Variants in SIPA1L1 observed in about 807,000 individuals in gnomAD.
SIPA1L1 encodes the protein signal induced proliferation associated 1 like 1.
SIPA1L1 carries 26 observed loss-of-function variants against 162.7 expected under a neutral mutation model. That is an observed-to-expected ratio of 0.16 (90% CI 0.12 to 0.22). SIPA1L1 has a LOEUF of 0.22. Ranked by LOEUF, SIPA1L1 falls within the 10% of genes least tolerant of loss-of-function variation. The probability of loss-of-function intolerance (pLI) is 1.00; values close to 1 mark genes in which losing one functional copy is unlikely to be tolerated. For synonymous variants in SIPA1L1, 829 were observed against 837.4 expected, an observed-to-expected ratio of 0.99 and a Z score of 0.17; for missense variants, 1,874 against 2,241.0, an observed-to-expected ratio of 0.84 and a Z score of 3.31.
intron 4 of SIPA1L1, among the ~76,000 whole-genome samples, chr14:71,564,292 A>T (rs1013953309): frequency 2.0e-5 from 3 of 150,572 alleles, no homozygotes; most frequent in Non-Finnish European, 1.5e-5. Flanking sequence ...ACTTAAAGTT[A>T]TACTCTCTAT....
intron 2 of SIPA1L1, among the ~76,000 whole-genome samples, chr14:71,397,903 T>C (rs2041337301): frequency 6.6e-6 from 1 of 152,094 alleles, no homozygotes; most frequent in South Asian, 2.1e-4. Flanking sequence ...GAGTTTGTGT[T>C]CTACTTTTAA....
chr14:71,507,171 A>T (rs1377799336), intron 2 of SIPA1L1, among the ~76,000 whole-genome samples: 2 of 152,126 alleles, frequency 1.3e-5, no homozygotes, highest in Admixed American at 6.5e-5. Flanking sequence ...TTAGAGGAAA[A>T]CTTGGTAACT....
intron 2 of SIPA1L1, among the ~76,000 whole-genome samples, chr14:71,426,700 CAAGCTGGTCTCAA>C (rs1054266970): frequency 1.3e-5 from 2 of 152,026 alleles, no homozygotes; most frequent in African/African-American, 4.8e-5. Context: ...CCATGTTGGC[CAAGCTGGTCTCAA>C]ACTCTTGACC....
At chr14:71,558,570 G>A (rs559689021) in intron 4 of SIPA1L1, among the ~76,000 whole-genome samples, 2 of 152,298 alleles carry the variant, frequency 1.3e-5, no homozygotes, top group East Asian at 1.9e-4. Flanking sequence ...TGGAAGGCTG[G>A]TGAAAGCCGT....
intron 19 of SIPA1L1, among the ~76,000 whole-genome samples, chr14:71,729,287 C>T (rs1264767804): frequency 1.3e-5 from 2 of 152,298 alleles, no homozygotes; most frequent in African/African-American, 2.4e-5. Context: ...CTGCCCACCT[C>T]GGCCTCCCAA....
intron 5 of SIPA1L1, among the ~76,000 whole-genome samples, chr14:71,600,812 A>G (rs557469152): frequency 6.6e-6 from 1 of 152,110 alleles, no homozygotes; most frequent in South Asian, 2.1e-4. Flanking sequence ...ATTTATTCCT[A>G]GGTATTTTTC....
At chr14:71,494,840 A>G (rs185464900) in intron 2 of SIPA1L1, among the ~76,000 whole-genome samples, 1 of 152,204 alleles carries the variant, frequency 6.6e-6, no homozygotes, top group Admixed American at 6.5e-5. Context: ...GGGTTTCACC[A>G]TGTTTAGTCA....
chr14:71,346,188 G>A (rs1260243076), intron 2 of SIPA1L1, among the ~76,000 whole-genome samples: 2 of 152,182 alleles, frequency 1.3e-5, no homozygotes, highest in Admixed American at 6.5e-5. Flanking sequence ...TTATAGGTGT[G>A]AGCCACCGCA....
At chr14:71,372,313 A>G (rs909343710) in intron 2 of SIPA1L1, among the ~76,000 whole-genome samples, 2 of 152,164 alleles carry the variant, frequency 1.3e-5, no homozygotes, top group African/African-American at 4.8e-5. Flanking sequence ...TGAACAATAC[A>G]TTTAAACAAA....
intron 2 of SIPA1L1, among the ~76,000 whole-genome samples, chr14:71,399,721 T>C (rs1186980258): frequency 1.3e-5 from 2 of 151,328 alleles, no homozygotes; most frequent in East Asian, 2.0e-4. Flanking sequence ...TTATTATTAT[T>C]ATTATTTATT....
At chr14:71,424,031 G>T (rs1213042869) in intron 2 of SIPA1L1, among the ~76,000 whole-genome samples, 1 of 151,916 alleles carries the variant, frequency 6.6e-6, no homozygotes, top group Non-Finnish European at 1.5e-5. Flanking sequence ...TTAATTCCTA[G>T]GTATTTTATT....
chr14:71,470,722 C>T (rs12889866), intron 2 of SIPA1L1, among the ~76,000 whole-genome samples: 24,858 of 152,040 alleles, frequency 0.16, 2,636 homozygotes, highest in Middle Eastern at 0.35. Context: ...TAGTCTGTTC[C>T]CAAGCTGTGA....
intron 2 of SIPA1L1, among the ~76,000 whole-genome samples, chr14:71,340,010 G>A (rs17767434): frequency 0.073 from 11,121 of 152,256 alleles, 529 homozygotes; most frequent in Non-Finnish European, 0.11. Flanking sequence ...TATTTTGGCT[G>A]TGTGCATAAA....
rs759169137 is a variant in SIPA1L1, at chr14:71,724,831, T to C, written c.4610T>C (p.Phe1537Ser). The C allele has an allele frequency of 3.1e-6, 5 of 1,614,002 alleles. No individual in the cohort carries two copies. The South Asian group carries it at 5.5e-5, about 18-fold the overall frequency. ...CCAACTCCTGAATCACAGAAGAGTTTTAAGGTACAAGACAGAGCTCAGGGT... is the reference window on the plus strand; with the variant it reads ...CCAACTCCTGAATCACAGAAGAGTTCTAAGGTACAAGACAGAGCTCAGGGT... Reference protein sequence around the residue: ...ESPTPESQKSFKFHALSSPQS... With the variant: ...ESPTPESQKSSKFHALSSPQS... Residue 1537 changes from phenylalanine (F) to serine (S), a missense_variant, in exon 19 of 24, where the codon TTT (phenylalanine) becomes TCT (serine). By Grantham distance (155) the Phe-to-Ser change is radical. This residue lies in a region of SIPA1L1 where 936 missense variants were observed against 1,051.9 expected (regional missense o/e 0.89). Coordinates refer to ENST00000381232, the MANE Select transcript of SIPA1L1 (RefSeq NM_001386936.1).
At chr14:71,734,470 T>C (rs1387066104) in intron 21 of SIPA1L1, among the ~76,000 whole-genome samples, 1 of 152,276 alleles carries the variant, frequency 6.6e-6, no homozygotes, top group Admixed American at 6.5e-5. Flanking sequence ...TAAAGATCTT[T>C]CTAAAATTTT....
intron 2 of SIPA1L1, chr14:71,418,111 T>G (rs1009183037): frequency 3.9e-5 from 6 of 152,192 alleles, no homozygotes; most frequent in Non-Finnish European, 4.4e-5. Flanking sequence ...CACTCAGCTT[T>G]TATTTTTATG....
rs2084648026 is a variant in SIPA1L1 at position 71,730,313 on chromosome 14, T to C, written c.4861+12T>C. 2 of 1,613,264 alleles carry C rather than the reference T, an allele frequency of 1.2e-6. No individual in the cohort carries two copies. Among genetic ancestry groups the C allele is most frequent in the African/African-American group, 1.3e-5 (1 of 74,896 alleles). ...GAAATCGCTGCATGGTAAGTGGTCT[T>C]TCAGCTGCAGCCTGGATGGCCCTGT... is the stretch of plus-strand genomic sequence containing the variant. On this transcript the variant is annotated intron_variant, in intron 20 of 23. Transcript: ENST00000381232.
chr14:71,468,049 T>C (rs1242404268), intron 2 of SIPA1L1, among the ~76,000 whole-genome samples: 1 of 141,372 alleles, frequency 7.1e-6, no homozygotes, highest in Non-Finnish European at 1.6e-5. Flanking sequence ...TGTGTGTGTC[T>C]GTCTGTGTCT....
At chr14:71,505,964 C>A (rs1031911219) in intron 2 of SIPA1L1, among the ~76,000 whole-genome samples, 4 of 145,754 alleles carry the variant, frequency 2.7e-5, no homozygotes, top group Non-Finnish European at 4.5e-5. Flanking sequence ...AAATATTCCC[C>A]CCCCCCAAAA....
Sources: allele counts gnomAD v4.1 joint callset (sites outside exome capture counted in the v4.1 genomes callset), GRCh38; gene constraint gnomAD v4.1.1; regional missense constraint gnomAD v4.1.1; transcripts MANE v1.5; gene names NCBI Gene and HGNC (gene_info 2026-07-23, HGNC 2026-07-21).